The following KALRN variants were observed in gnomAD, a reference collection of about 807,000 sequenced individuals.
KALRN encodes kalirin RhoGEF kinase, also known as kalirin.
KALRN carries 70 observed loss-of-function variants against 353.7 expected under a neutral mutation model. The observed-to-expected ratio is 0.20, with a 90% CI of 0.16 to 0.24. The LOEUF is 0.24. Among genes scored for constraint, KALRN ranks in the 10% least tolerant of loss-of-function variants. The probability of loss-of-function intolerance (pLI) is 1.00; values close to 1 mark genes in which losing one functional copy is unlikely to be tolerated. For missense variants in KALRN, 2,791 were observed against 3,756.7 expected, an observed-to-expected ratio of 0.74 and a Z score of 6.72; for synonymous variants, 1,391 against 1,434.8, an observed-to-expected ratio of 0.97 and a Z score of 0.69.
At chr3:124,431,093 G>A (rs1409421075) in intron 16 of KALRN, among the ~76,000 whole-genome samples, 4 of 152,200 alleles carry the variant, frequency 2.6e-5, no homozygotes, top group Non-Finnish European at 5.9e-5. Flanking sequence ...ACCATGTGAG[G>A]AAATGTAAAA....
intron 21 of KALRN, among the ~76,000 whole-genome samples, chr3:124,452,612 A>G (rs1226905043): frequency 6.6e-6 from 1 of 152,182 alleles, no homozygotes; most frequent in East Asian, 1.9e-4. Flanking sequence ...AACATTCAAC[A>G]TGGCTGCAGT....
chr3:124,149,436 C>T (rs2067793566), intron 1 of KALRN, among the ~76,000 whole-genome samples: 1 of 152,192 alleles, frequency 6.6e-6, no homozygotes, highest in South Asian at 2.1e-4. Context: ...TTTCCTTTGA[C>T]TGTGGCACAG....
At chr3:124,644,221 C>T (rs1168775534) in intron 37 of KALRN, among the ~76,000 whole-genome samples, 2 of 152,130 alleles carry the variant, frequency 1.3e-5, no homozygotes, top group African/African-American at 4.8e-5. Context: ...AAATATTCCA[C>T]ATATAAATGA....
chr3:124,069,676 AG>A (rs2149261068), intron 1 of KALRN, among the ~76,000 whole-genome samples: 1 of 152,336 alleles, frequency 6.6e-6, no homozygotes, highest in East Asian at 1.9e-4. Context: ...ATTATATGGT[AG>A]GACTGCTTTG....
At chr3:124,113,616 G>A (rs2063195431) in intron 1 of KALRN, among the ~76,000 whole-genome samples, 1 of 152,184 alleles carries the variant, frequency 6.6e-6, no homozygotes, top group Non-Finnish European at 1.5e-5. Flanking sequence ...TTTCCTGCAG[G>A]AGTGAAGCCA....
chr3:124,584,731 C>CG (rs1195564203), intron 34 of KALRN: 23 of 1,503,546 alleles, frequency 1.5e-5, no homozygotes, highest in Non-Finnish European at 2.0e-5. Context: ...AGCCGGCTCT[C>CG]GGGCGGCGGC....
intron 58 of KALRN, among the ~76,000 whole-genome samples, chr3:124,716,850 CAT>C (rs1051931415): frequency 6.6e-6 from 1 of 152,190 alleles, no homozygotes; most frequent in African/African-American, 2.4e-5. Context: ...TTGCAAAACA[CAT>C]GTGGGGCTGT....
intron 33 of KALRN, among the ~76,000 whole-genome samples, chr3:124,537,023 A>C (rs926642987): frequency 1.1e-4 from 16 of 152,198 alleles, no homozygotes; most frequent in Non-Finnish European, 2.4e-4. Flanking sequence ...CCAGTTGACA[A>C]TAATTGAAAA....
At chr3:124,585,773 C>T (rs2075115216) in intron 34 of KALRN, among the ~76,000 whole-genome samples, 1 of 152,130 alleles carries the variant, frequency 6.6e-6, no homozygotes, top group Non-Finnish European at 1.5e-5. Flanking sequence ...GAATGTAGCC[C>T]CCTACTTGAC....
chr3:124,702,333 T>C (rs1314074978), intron 57 of KALRN, among the ~76,000 whole-genome samples: 1 of 152,228 alleles, frequency 6.6e-6, no homozygotes, highest in East Asian at 1.9e-4. Flanking sequence ...TTTCTTCTTT[T>C]CTAATATAAG....
At chr3:124,499,285 G>A (rs142052240) in intron 33 of KALRN, among the ~76,000 whole-genome samples, 1 of 152,254 alleles carries the variant, frequency 6.6e-6, no homozygotes, top group Non-Finnish European at 1.5e-5. Flanking sequence ...GATACACCTA[G>A]GTTCAAATCC....
rs138872300 is a variant in KALRN, at chr3:124,525,269, G to A, written c.4935+28856G>A. On this transcript the variant is annotated intron_variant, in intron 33 of 59. Coordinates refer to ENST00000682506, the MANE Select transcript of KALRN (RefSeq NM_001388419.1). Reference sequence around the variant, plus strand: ...CAGTGATGGGAGAGGGGGTTTCTATGTGTCTGCTTTTGAGTTTCTGGGATG... The same window carrying A: ...CAGTGATGGGAGAGGGGGTTTCTATATGTCTGCTTTTGAGTTTCTGGGATG... Among the ~76,000 whole-genome samples the A allele has an allele frequency of 6.6e-3, 1,003 of 152,308 alleles. 14 individuals are homozygous for A. Among genetic ancestry groups the A allele is most frequent in the Middle Eastern group, 0.02 (6 of 294 alleles).
intron 37 of KALRN, among the ~76,000 whole-genome samples, chr3:124,642,806 G>GTTTTTTTTTTGTTGGTGTTTT (rs1553707031): frequency 1.0e-5 from 1 of 96,840 alleles, no homozygotes; most frequent in African/African-American, 4.5e-5. Context: ...CCCAAGCCTC[G>GTTTTTTTTTTGTTGGTGTTTT]TTTTTTTTTT....
chr3:124,530,698 A>G (rs573063947), intron 33 of KALRN, among the ~76,000 whole-genome samples: 26 of 152,306 alleles, frequency 1.7e-4, no homozygotes, highest in African/African-American at 5.8e-4. Flanking sequence ...AATAATCATG[A>G]TAGTAGTAGT....
intron 10 of KALRN, among the ~76,000 whole-genome samples, chr3:124,356,079 C>T (rs972842287): frequency 6.6e-6 from 1 of 152,046 alleles, no homozygotes; most frequent in Non-Finnish European, 1.5e-5. Context: ...CTGAACTCTA[C>T]TTTCCCCTCT....
chr3:124,665,493 C>A (rs2150299467), intron 45 of KALRN, among the ~76,000 whole-genome samples: 1 of 152,274 alleles, frequency 6.6e-6, no homozygotes, highest in South Asian at 2.1e-4. Context: ...GATACAGAAT[C>A]TCACTCTGTT....
intron 1 of KALRN, among the ~76,000 whole-genome samples, chr3:124,085,869 CTAGGCA>C (rs1163059105): frequency 1.2e-4 from 18 of 152,302 alleles, no homozygotes; most frequent in Admixed American, 2.0e-4. Context: ...TAGAACTCTT[CTAGGCA>C]TAGTGAAATA....
chr3:124,460,109 T>A (rs1438528253), intron 23 of KALRN, among the ~76,000 whole-genome samples: 1 of 152,184 alleles, frequency 6.6e-6, no homozygotes, highest in East Asian at 1.9e-4. Flanking sequence ...TATATGCCTG[T>A]ATCAAAAATT....
intron 10 of KALRN, among the ~76,000 whole-genome samples, chr3:124,381,310 G>C (rs1412009242): frequency 6.6e-6 from 1 of 152,210 alleles, no homozygotes; most frequent in Non-Finnish European, 1.5e-5. Flanking sequence ...AGTTTTGGGG[G>C]ATGCAAGTAA....
Sources: allele counts gnomAD v4.1 joint callset (sites outside exome capture counted in the v4.1 genomes callset), GRCh38; gene constraint gnomAD v4.1.1; transcripts MANE v1.5; gene names NCBI Gene and HGNC (gene_info 2026-07-23, HGNC 2026-07-21).